PSME4: variants seen among roughly 807,000 people sequenced by gnomAD.
The protein encoded by PSME4 is proteasome activator complex subunit 4.
Under a neutral mutation model 253.9 loss-of-function variants are expected in PSME4, and 89 were observed. That is an observed-to-expected ratio of 0.35 (90% CI 0.30 to 0.42). The LOEUF is 0.42. PSME4 is among the 10% of genes least tolerant of loss of function. The pLI is 1.00. For synonymous variants in PSME4, 851 were observed against 759.2 expected (o/e 1.12, Z -1.99); for missense variants, 2,014 against 2,195.2 (o/e 0.92, Z 1.65).
rs190362771 is a variant in PSME4, at chr2:53,954,588, C to T, written c.243-5305G>A. Among the ~76,000 whole-genome samples the T allele has an allele frequency of 8.0e-3, 1,222 of 152,218 alleles. 11 individuals carry two copies. Among genetic ancestry groups the T allele is most frequent in the Non-Finnish European group, 0.011 (757 of 68,016 alleles). On this transcript the variant is annotated intron_variant, in intron 1 of 46. Transcript: ENST00000404125. ...GTGTAGTGAGTCACACTTGTAGTCC[C>T]AGCACTTTGGGAGGCCGAGGCAGGC...
intron 14 of PSME4, among the ~76,000 whole-genome samples, chr2:53,924,711 T>A (rs1668479866): frequency 6.6e-6 from 1 of 152,196 alleles, no homozygotes; most frequent in Admixed American, 6.5e-5. Context: ...GCCATGTTCC[T>A]GTGCTGCACC....
chr2:53,970,276 G>GA (rs1670997575), intron 1 of PSME4, among the ~76,000 whole-genome samples: 1 of 152,194 alleles, frequency 6.6e-6, no homozygotes, highest in Non-Finnish European at 1.5e-5. Flanking sequence ...CCCCCAGGTG[G>GA]GAAGACAACA....
chr2:53,916,860 A>G (rs1668084480), intron 20 of PSME4, among the ~76,000 whole-genome samples: 1 of 152,134 alleles, frequency 6.6e-6, no homozygotes, highest in African/African-American at 2.4e-5. Flanking sequence ...TCTATTAAGA[A>G]CTTGCAAAAG....
chr2:53,954,733 T>C (rs1353796270), intron 1 of PSME4, among the ~76,000 whole-genome samples: 1 of 151,478 alleles, frequency 6.6e-6, no homozygotes, highest in South Asian at 2.1e-4. Context: ...CCCAGCTACT[T>C]GGGAGGCTGA....
chr2:53,884,534 T>C (rs1009313066), intron 41 of PSME4, among the ~76,000 whole-genome samples: 5 of 152,218 alleles, frequency 3.3e-5, no homozygotes, highest in Non-Finnish European at 5.9e-5. Context: ...TCTAATGATA[T>C]AAGTTTTTTC....
chr2:53,970,813 C>T lies in PSME4; in HGVS notation c.-29G>A, dbSNP rs1671046835. ...CCCAGGGACACCCCCCCCACCCCCT[C>T]CCACCCGAACCCTCCCCGGCCCCCA... On this transcript the variant is annotated 5_prime_UTR_variant, in exon 1 of 47. Coordinates refer to ENST00000404125, the MANE Select transcript of PSME4 (RefSeq NM_014614.3). 1 of 1,461,140 alleles carries T rather than the reference C, an allele frequency of 6.8e-7. No individual in the cohort carries two copies. The highest frequency in any genetic ancestry group is 9.1e-7 in the Non-Finnish European group (1 of 1,103,354). 90.5% of individuals were successfully genotyped at this position (1,461,140 alleles called of 1,614,324 possible).
intron 29 of PSME4, among the ~76,000 whole-genome samples, chr2:53,898,915 G>T (rs1432272815): frequency 6.6e-6 from 1 of 151,602 alleles, no homozygotes; most frequent in Non-Finnish European, 1.5e-5. Context: ...ACTATTATAA[G>T]AACTATTAAA....
chr2:53,901,290 G>T, intron 28 of PSME4, 60 bp downstream of exon 28: 2 of 1,418,804 alleles, frequency 1.4e-6, no homozygotes, highest in Non-Finnish European at 2.0e-6. Context: ...GAAAAATAAA[G>T]GGCATTTTAA....
chr2:53,906,830 A>T lies in PSME4; in HGVS notation c.2823T>A (p.Ile941=), dbSNP rs1558670614. 1 of 1,613,706 alleles carries T rather than the reference A, an allele frequency of 6.2e-7. No individual in the cohort carries two copies. The highest frequency in any genetic ancestry group is 8.5e-7 in the Non-Finnish European group (1 of 1,179,826). The part of the protein sequence containing the change: ...GKKQHIRALL[I]DRVMLQHELR... ...CCTCATGCTGTAACATTACTCTATC[A>T]ATCAACAGTGCTCTGATATGTTGTT... The change falls in exon 25 of 47, where the codon ATT becomes ATA. Residue 941 remains isoleucine, a synonymous_variant. Transcript: ENST00000404125.
At chr2:53,888,019 G>A in intron 38 of PSME4, 30 bp from the exon 39 acceptor site, 2 of 1,587,276 alleles carry the variant, frequency 1.3e-6, no homozygotes, top group Non-Finnish European at 8.6e-7. Flanking sequence ...GTGTTATATT[G>A]GAGGCCCTTT....
chr2:53,872,973 G>A (rs1365610673), intron 43 of PSME4, among the ~76,000 whole-genome samples: 1 of 151,774 alleles, frequency 6.6e-6, no homozygotes, highest in Non-Finnish European at 1.5e-5. Context: ...AGGCGTGGTG[G>A]CTCACGACTG....
chr2:53,902,190 C>T (rs370854949), intron 27 of PSME4, among the ~76,000 whole-genome samples: 13 of 152,294 alleles, frequency 8.5e-5, no homozygotes, highest in African/African-American at 2.9e-4. Flanking sequence ...AAAACCACAA[C>T]ATGTGTCACT....
rs1227021135 is a variant in PSME4, at chr2:53,925,600, T to A, written c.1748A>T (p.Glu583Val). ...EKMTHLESLV[E>V]LGLSSTFSTI... ...ACTAAACGTAGAAGACAGACCTAATTCGACCAAACTCTCCAAGTGTGTCAT... is the reference window on the plus strand; with the variant it reads ...ACTAAACGTAGAAGACAGACCTAATACGACCAAACTCTCCAAGTGTGTCAT... Residue 583 changes from glutamate to valine, a missense_variant, in exon 14 of 47, where the codon GAA (glutamate) becomes GTA (valine). Physicochemically the swap from Glu to Val is moderately radical, Grantham distance 121 (BLOSUM62 -2). This residue lies in a region of PSME4 where 989 missense variants were observed against 1,021.1 expected (regional missense o/e 0.97). Transcript: ENST00000404125. 6.2e-7 allele frequency: 1 copy of A among 1,610,200 alleles called. No homozygotes were observed. Among genetic ancestry groups the A allele is most frequent in the Non-Finnish European group, 8.5e-7 (1 of 1,176,852 alleles).
At chr2:53,922,066 G>C (rs921379689) in intron 17 of PSME4, among the ~76,000 whole-genome samples, 1 of 151,938 alleles carries the variant, frequency 6.6e-6, no homozygotes, top group African/African-American at 2.4e-5. Context: ...CAGCTACTTG[G>C]GAGGCTGAGG....
rs1316589176 is a variant in PSME4 at position 53,869,547 on chromosome 2, A to G, written c.5101-9T>C. 3.4e-6 allele frequency: 5 copies of G among 1,486,346 alleles called. No homozygotes were observed. In the African/African-American group the frequency reaches 4.1e-5, roughly 12 times the overall value. The allele number at this position is 1,486,346 out of a possible 1,614,324, so 92.1% of individuals were successfully genotyped here. A position where few individuals can be genotyped will look rare whatever the true frequency, so the allele number is the denominator to read the frequency against. ...GCAGCCATTTCTCGAACCTGTAGAT[A>G]TAATAATTTCTATTAGGACTGACAT... On this transcript the variant is annotated splice_polypyrimidine_tract_variant and intron_variant, in intron 43 of 46. Coordinates refer to ENST00000404125, the MANE Select transcript of PSME4 (RefSeq NM_014614.3).
Position 53,936,803 on chromosome 2 carries a change from G to C in PSME4, c.720C>G (p.Gly240=). The change falls in exon 6 of 47, where the codon GGC becomes GGG. Residue 240 remains glycine, a synonymous_variant. Transcript: ENST00000404125. ...GGAGATTTTGCACTGAAACCCAAAG[G>C]CCAATTAATTCATCAAACCAAAGTC... ...GFKLWFDELI[G]LWVSVQNLPQ... The C allele has an allele frequency of 2.5e-6, 4 of 1,596,378 alleles. No individual in the cohort carries two copies. In the Admixed American group the frequency reaches 7.0e-5, roughly 28 times the overall value.
In PSME4 at chr2:53,887,606, A is replaced by G. The variant is rs530340107; in HGVS notation, c.4521-139T>C. ...GTCTTAGATTATGCCTGTGTGTAAA[A>G]GAAGCCTTATAATTAAGGGGTATTA... On this transcript the variant is annotated intron_variant, in intron 39 of 46. Coordinates refer to ENST00000404125, the MANE Select transcript of PSME4 (RefSeq NM_014614.3). 4.4e-6 allele frequency: 4 copies of G among 919,384 alleles called. No homozygotes were observed. The South Asian group carries it at 7.3e-5, about 17-fold the overall frequency. The allele number at this position is 919,384 out of a possible 1,614,324, so 57.0% of individuals were successfully genotyped here. A position where few individuals can be genotyped will look rare whatever the true frequency, so the allele number is the denominator to read the frequency against.
chr2:53,922,656 C>T (rs1420246328), intron 16 of PSME4, 72 bp from the exon 17 acceptor site: 1 of 1,505,114 alleles, frequency 6.6e-7, no homozygotes, highest in Non-Finnish European at 9.0e-7. Context: ...TAAAATACTT[C>T]TATTTAATAT....
chr2:53,920,849 T>C (rs748206469), intron 18 of PSME4, 40 bp downstream of exon 18: 1 of 1,499,174 alleles, frequency 6.7e-7, no homozygotes, highest in African/African-American at 1.4e-5. Context: ...AAACAAAAAA[T>C]CAACATATTC....
Sources: gnomAD v4.1 joint callset for allele counts (sites outside exome capture counted in the v4.1 genomes callset) on GRCh38, gnomAD v4.1.1 for gene constraint, gnomAD v4.1.1 regional missense constraint, MANE v1.5 for transcripts, NCBI Gene and HGNC (gene_info 2026-07-23, HGNC 2026-07-21) for gene names.